CSMD1: variants seen among roughly 807,000 people sequenced by gnomAD.
CSMD1 encodes CUB and Sushi multiple domains 1.
CSMD1 carries 213 observed loss-of-function variants against 417.5 expected under a neutral mutation model. The observed-to-expected ratio is 0.51, with a 90% CI of 0.46 to 0.57. The LOEUF is 0.57. Among genes scored for constraint, CSMD1 ranks in the 20% least tolerant of loss-of-function variants. CSMD1 has a pLI of 0.00. For missense variants in CSMD1, 6,923 were observed against 4,529.7 expected (o/e 1.53, Z -15.17); for synonymous variants, 2,862 against 1,736.8 (o/e 1.65, Z -16.11).
At chr8:3,364,863 A>G (rs62503464) in intron 20 of CSMD1, among the ~76,000 whole-genome samples, 11,703 of 152,244 alleles carry the variant, frequency 0.077, 422 homozygotes, top group East Asian at 0.11. Context: ...AGTGGCACAA[A>G]CAGACTAAGA....
chr8:4,797,320 G>A (rs1189451502), intron 1 of CSMD1, among the ~76,000 whole-genome samples: 1 of 152,188 alleles, frequency 6.6e-6, no homozygotes, highest in African/African-American at 2.4e-5. Flanking sequence ...TTTTGTGGCA[G>A]CTGAGAGTGC....
At chr8:4,738,306 A>G (rs1287140944) in intron 1 of CSMD1, among the ~76,000 whole-genome samples, 1 of 152,248 alleles carries the variant, frequency 6.6e-6, no homozygotes, top group Non-Finnish European at 1.5e-5. Flanking sequence ...TACAGAGGAA[A>G]CATCTTAATT....
chr8:3,974,810 G>A (rs540332065), intron 5 of CSMD1, among the ~76,000 whole-genome samples: 2 of 152,046 alleles, frequency 1.3e-5, no homozygotes, highest in African/African-American at 2.4e-5. Context: ...TTTTTATAAA[G>A]CATCTCCAAT....
In CSMD1 at chr8:3,118,514, C is replaced by T. The variant is rs758703148; in HGVS notation, c.6315G>A (p.Val2105=). The T allele has an allele frequency of 1.6e-5, 26 of 1,613,726 alleles. No homozygotes were observed. The East Asian group carries it at 5.1e-4, about 32-fold the overall frequency. Residue 2105 remains valine, a synonymous_variant, in exon 42 of 70, where the codon GTG becomes GTA. Coordinates refer to ENST00000635120, the MANE Select transcript of CSMD1 (RefSeq NM_033225.6). ...AACACTCGAAAGATACTGATTGCCC[C>T]ACGCTGTAATCCGAGTTGATCATGT... The part of the protein sequence containing the change: ...NGYMINSDYS[V]GQSVSFECYP...
chr8:3,497,903 T>C (rs1306129241), intron 10 of CSMD1, among the ~76,000 whole-genome samples: 1 of 152,228 alleles, frequency 6.6e-6, no homozygotes, highest in Admixed American at 6.5e-5. Context: ...TATTACTCTT[T>C]TGTGTGTCTT....
intron 5 of CSMD1, among the ~76,000 whole-genome samples, chr8:3,877,676 G>T (rs945245882): frequency 1.4e-4 from 12 of 82,816 alleles, no homozygotes; most frequent in Admixed American, 1.2e-3. Flanking sequence ...AAGGGTCTGA[G>T]CACATGGCTT....
intron 7 of CSMD1, among the ~76,000 whole-genome samples, chr8:3,635,730 G>T (rs538755738): frequency 7.2e-6 from 1 of 139,418 alleles, no homozygotes; most frequent in East Asian, 2.1e-4. Flanking sequence ...TGATCTGCCC[G>T]CCTCGGCCTC....
At chr8:4,060,434 T>A (rs1235257644) in intron 3 of CSMD1, among the ~76,000 whole-genome samples, 2 of 152,152 alleles carry the variant, frequency 1.3e-5, no homozygotes, top group Non-Finnish European at 2.9e-5. Flanking sequence ...GTGTTGGAAG[T>A]TCTGGCCATA....
chr8:3,712,396 GAGAGAC>G (rs1166059652), intron 6 of CSMD1, among the ~76,000 whole-genome samples: 138 of 63,976 alleles, frequency 2.2e-3, no homozygotes, highest in African/African-American at 8.2e-3. Flanking sequence ...GAGAGAGAGA[GAGAGAC>G]AGACAGACAG....
intron 1 of CSMD1, among the ~76,000 whole-genome samples, chr8:4,698,772 C>T (rs1180525253): frequency 6.6e-6 from 1 of 151,014 alleles, no homozygotes; most frequent in African/African-American, 2.4e-5. Context: ...AAAAAAATTC[C>T]ACCATATAAA....
intron 1 of CSMD1, among the ~76,000 whole-genome samples, chr8:4,644,054 G>C (rs560970826): frequency 1.3e-5 from 2 of 152,280 alleles, no homozygotes; most frequent in Admixed American, 1.3e-4. Context: ...AAATGCCAGA[G>C]GCAGCCTGCC....
chr8:3,022,804 C>T (rs1809548387), intron 51 of CSMD1, among the ~76,000 whole-genome samples: 1 of 152,050 alleles, frequency 6.6e-6, no homozygotes, highest in African/African-American at 2.4e-5. Context: ...CTCACAATGG[C>T]TGTTTGCAAA....
chr8:2,988,293 A>G (rs904825852), intron 54 of CSMD1, among the ~76,000 whole-genome samples: 3 of 152,134 alleles, frequency 2.0e-5, no homozygotes, highest in African/African-American at 7.2e-5. Context: ...TATGTACATA[A>G]GCATATCTGG....
intron 2 of CSMD1, among the ~76,000 whole-genome samples, chr8:4,458,481 C>A (rs1425690947): frequency 6.6e-6 from 1 of 151,992 alleles, no homozygotes; most frequent in Non-Finnish European, 1.5e-5. Flanking sequence ...TATTGCTAAG[C>A]ATGCATATTA....
At chr8:3,571,655 C>G (rs2116923504) in intron 10 of CSMD1, among the ~76,000 whole-genome samples, 1 of 152,156 alleles carries the variant, frequency 6.6e-6, no homozygotes, top group Middle Eastern at 3.4e-3. Flanking sequence ...GTGTTCTGCG[C>G]TCCCCGAGCT....
chr8:3,885,082 G>A (rs1366839535), intron 5 of CSMD1, among the ~76,000 whole-genome samples: 1 of 151,948 alleles, frequency 6.6e-6, no homozygotes, highest in African/African-American at 2.4e-5. Flanking sequence ...AAAGCAAGTA[G>A]CTTCTCATAT....
At chr8:3,834,428 G>C (rs1022025189) in intron 5 of CSMD1, among the ~76,000 whole-genome samples, 8 of 152,092 alleles carry the variant, frequency 5.3e-5, no homozygotes, top group Non-Finnish European at 1.0e-4. Context: ...CCTGGAAGTG[G>C]GGCAGACTCA....
intron 3 of CSMD1, among the ~76,000 whole-genome samples, chr8:4,403,603 G>T (rs947382723): frequency 6.6e-6 from 1 of 152,108 alleles, no homozygotes; most frequent in East Asian, 1.9e-4. Flanking sequence ...ACACTCCTAA[G>T]AACTCCCCCT....
At chr8:3,023,005 T>G (rs1313616774) in intron 51 of CSMD1, among the ~76,000 whole-genome samples, 3 of 152,216 alleles carry the variant, frequency 2.0e-5, no homozygotes, top group Non-Finnish European at 4.4e-5. Context: ...AGCTGGGCAT[T>G]GACTTGTGAG....
Sources: gnomAD v4.1 joint callset for allele counts (sites outside exome capture counted in the v4.1 genomes callset) on GRCh38, gnomAD v4.1.1 for gene constraint, MANE v1.5 for transcripts, NCBI Gene and HGNC (gene_info 2026-07-23, HGNC 2026-07-21) for gene names.